Variants in CREBBP observed in about 807,000 individuals in gnomAD.
The protein encoded by CREBBP is CREB binding lysine acetyltransferase, also known as CREB-binding protein.
Under a neutral mutation model 265.0 loss-of-function variants are expected in CREBBP, and 19 were observed. That is an observed-to-expected ratio of 0.07 (90% CI 0.05 to 0.11). The LOEUF (loss-of-function observed/expected upper bound fraction) is 0.11. Ranked by LOEUF, CREBBP falls within the 10% of genes least tolerant of loss-of-function variation. CREBBP has a pLI of 1.00. For missense variants in CREBBP, 2,525 were observed against 3,219.0 expected, an observed-to-expected ratio of 0.78 and a Z score of 5.22; for synonymous variants, 1,457 against 1,223.7, an observed-to-expected ratio of 1.19 and a Z score of -3.98.
intron 1 of CREBBP, among the ~76,000 whole-genome samples, chr16:3,861,582 T>A (rs545908721): frequency 6.6e-6 from 1 of 150,436 alleles, no homozygotes; most frequent in East Asian, 2.0e-4. Flanking sequence ...TCTAGTAGAA[T>A]TAAAGGTTAC....
At chr16:3,740,214 C>G (rs538017487) in intron 24 of CREBBP, among the ~76,000 whole-genome samples, 185 bp downstream of exon 24, 2 of 152,336 alleles carry the variant, frequency 1.3e-5, no homozygotes, top group East Asian at 3.9e-4. Context: ...AAATAGCTTA[C>G]TGCACTGTAT....
chr16:3,818,179 T>TG (rs1234709345), intron 2 of CREBBP, among the ~76,000 whole-genome samples: 1 of 151,286 alleles, frequency 6.6e-6, no homozygotes, highest in Non-Finnish European at 1.5e-5. Context: ...ATGTGACCAA[T>TG]GGGGGGCCGG....
chr16:3,822,222 T>C (rs965954889), intron 2 of CREBBP, among the ~76,000 whole-genome samples: 5 of 88,708 alleles, frequency 5.6e-5, no homozygotes, highest in Non-Finnish European at 9.9e-5. Flanking sequence ...GAAGCACCTT[T>C]TTCCACGGAT....
In CREBBP at chr16:3,782,946, G is replaced by C; in HGVS notation, c.1331-20C>G. 1 of 1,614,082 alleles carries C rather than the reference G, an allele frequency of 6.2e-7. No homozygotes were observed. Among genetic ancestry groups the C allele is most frequent in the Non-Finnish European group, 8.5e-7 (1 of 1,180,020 alleles). ...GGATGGCTATAACGACAAACAGACAGACAGACAAAAACGAGAGGTAAGTAA... is the reference window on the plus strand; with the variant it reads ...GGATGGCTATAACGACAAACAGACACACAGACAAAAACGAGAGGTAAGTAA... On this transcript the variant is annotated intron_variant, in intron 5 of 30. Transcript: ENST00000262367.
At position 3,850,416 on chromosome 16, in the gene CREBBP, G is replaced by C; in HGVS notation, c.679C>G (p.Pro227Ala). 2 of 1,614,240 alleles carry C rather than the reference G, an allele frequency of 1.2e-6. No individual in the cohort carries two copies. Among genetic ancestry groups the C allele is most frequent in the Non-Finnish European group, 1.7e-6 (2 of 1,180,048 alleles). ...GAGGCGCCCTGCATGGCTGGAGTAG[G>C]GTACGGCATTCCAGCTCCCCTTCCT... ...GRGRGAGMPYPTPAMQGASSS... is the reference protein window; with the variant it reads ...GRGRGAGMPYATPAMQGASSS... Residue 227 changes from proline to alanine, a missense_variant, in exon 2 of 31, where the codon CCT (proline) becomes GCT (alanine). Physicochemically the swap from Pro to Ala is conservative, Grantham distance 27 (BLOSUM62 -1). Around this residue, in one of 19 missense-constraint regions of CREBBP, gnomAD observed 356 missense variants for 340.4 expected, o/e 1.05. Transcript: ENST00000262367.
At chr16:3,815,414 C>T (rs1309926506) in intron 2 of CREBBP, among the ~76,000 whole-genome samples, 3 of 150,418 alleles carry the variant, frequency 2.0e-5, no homozygotes, top group South Asian at 2.1e-4. Flanking sequence ...GTGGTGCGTG[C>T]GTATAATCCC....
At chr16:3,751,912 G>T (rs1006699585) in intron 19 of CREBBP, 106 bp from the exon 20 acceptor site, 1 of 1,072,220 alleles carries the variant, frequency 9.3e-7, no homozygotes, top group Non-Finnish European at 1.4e-6. Flanking sequence ...ACGACGAAGG[G>T]GGGGCGTTGT....
chr16:3,838,027 AG>A (rs1038804128), intron 2 of CREBBP, among the ~76,000 whole-genome samples: 1 of 152,102 alleles, frequency 6.6e-6, no homozygotes, highest in African/African-American at 2.4e-5. Context: ...CACACACACC[AG>A]GATCTATGCT....
intron 2 of CREBBP, among the ~76,000 whole-genome samples, chr16:3,827,460 C>T (rs999887499): frequency 1.3e-5 from 2 of 152,008 alleles, no homozygotes; most frequent in East Asian, 1.9e-4. Context: ...GACGCAATCT[C>T]GGCTCACTGC....
At chr16:3,770,103 C>A (rs1292136739) in intron 14 of CREBBP, among the ~76,000 whole-genome samples, 2 of 152,166 alleles carry the variant, frequency 1.3e-5, no homozygotes, top group Non-Finnish European at 2.9e-5. Context: ...CTCCTGAGCT[C>A]CGGTGATCCG....
chr16:3,841,091 C>G (rs554409045), intron 2 of CREBBP: 1 of 154,380 alleles, frequency 6.5e-6, no homozygotes, highest in Non-Finnish European at 1.5e-5. Context: ...CTACAATAGA[C>G]TATATATCAA....
intron 16 of CREBBP, among the ~76,000 whole-genome samples, chr16:3,762,007 A>T (rs932681248): frequency 6.6e-6 from 1 of 152,256 alleles, no homozygotes; most frequent in Non-Finnish European, 1.5e-5. Context: ...GTTTGGCAGA[A>T]GAAAAAGAAA....
Position 3,875,688 on chromosome 16 carries a change from A to G in CREBBP, c.85+4144T>C, listed in dbSNP as rs183405113. On this transcript the variant is annotated intron_variant, in intron 1 of 30. Transcript: ENST00000262367. ...ATAGAGACTTAGAAAATAAATATATAGAGCTACGGACTTTAACAATCTAGT... is the reference window on the plus strand; with the variant it reads ...ATAGAGACTTAGAAAATAAATATATGGAGCTACGGACTTTAACAATCTAGT... Among the ~76,000 whole-genome samples the G allele has an allele frequency of 5.7e-4, 87 of 152,338 alleles. 4 individuals are homozygous for G. The highest frequency in any genetic ancestry group is 2.0e-3 in the African/African-American group (83 of 41,572).
chr16:3,780,833 G>A lies in CREBBP; in HGVS notation c.1722C>T (p.Leu574=), dbSNP rs1303187751. ...GAGGAGCTGCTGTTGGTATAGTGCT[G>A]AGGGTTCCAATGTTACCAGAGTTGG... ...DGSNSGNIGT[L]STIPTAAPPS... Residue 574 remains leucine (L), a synonymous_variant, in exon 8 of 31, where the codon CTC becomes CTT. Coordinates refer to ENST00000262367, the MANE Select transcript of CREBBP (RefSeq NM_004380.3). The A allele has an allele frequency of 6.2e-7, 1 of 1,613,722 alleles. No individual in the cohort carries two copies. The highest frequency in any genetic ancestry group is 8.5e-7 in the Non-Finnish European group (1 of 1,180,028).
chr16:3,798,984 G>T (rs1035505701), intron 3 of CREBBP, among the ~76,000 whole-genome samples: 1 of 152,068 alleles, frequency 6.6e-6, no homozygotes, highest in African/African-American at 2.4e-5. Flanking sequence ...AACCAAAACG[G>T]AATATTATTC....
intron 5 of CREBBP, among the ~76,000 whole-genome samples, chr16:3,786,491 T>C (rs2053390758): frequency 6.6e-6 from 1 of 152,164 alleles, no homozygotes; most frequent in African/African-American, 2.4e-5. Flanking sequence ...TGAACTCCAT[T>C]TGGAAATTCA....
chr16:3,770,367 T>A (rs865784260), intron 14 of CREBBP, among the ~76,000 whole-genome samples: 4 of 151,446 alleles, frequency 2.6e-5, no homozygotes, highest in African/African-American at 9.7e-5. Context: ...TTAAAAAAAA[T>A]TTTTTTTTGC....
chr16:3,858,809 T>C (rs1174766807), intron 1 of CREBBP, among the ~76,000 whole-genome samples: 1 of 152,230 alleles, frequency 6.6e-6, no homozygotes, highest in African/African-American at 2.4e-5. Flanking sequence ...ACCACCCAAG[T>C]ATATTTCACT....
At chr16:3,763,843 T>A (rs2052781364) in intron 16 of CREBBP, among the ~76,000 whole-genome samples, 1 of 149,234 alleles carries the variant, frequency 6.7e-6, no homozygotes, top group South Asian at 2.1e-4. Flanking sequence ...AAAAAAGCAA[T>A]CTTTTTTTTT....
Sources: gnomAD v4.1 joint callset for allele counts (sites outside exome capture counted in the v4.1 genomes callset) on GRCh38, gnomAD v4.1.1 for gene constraint, gnomAD v4.1.1 regional missense constraint, MANE v1.5 for transcripts, NCBI Gene and HGNC (gene_info 2026-07-23, HGNC 2026-07-21) for gene names.